THBS1: variants seen among roughly 807,000 people sequenced by gnomAD.
THBS1 encodes thrombospondin 1.
In THBS1, 29 loss-of-function variants were observed where a neutral mutation model predicts 126.1. The ratio of observed to expected loss-of-function variants is 0.23; its 90% CI spans 0.17 to 0.31. The LOEUF is 0.31. Among genes scored for constraint, THBS1 ranks in the 10% least tolerant of loss-of-function variants. THBS1 has a pLI of 1.00. For synonymous variants in THBS1, 496 were observed against 577.8 expected (o/e 0.86, Z 2.03); for missense variants, 1,198 against 1,545.2 (o/e 0.78, Z 3.77).
intron 14 of THBS1, 62 bp from the exon 15 acceptor site, chr15:39,591,127 GGT>G: frequency 6.4e-7 from 1 of 1,559,370 alleles, no homozygotes; most frequent in Non-Finnish European, 8.8e-7. Flanking sequence ...TTATGCACAT[GGT>G]TTGAGGCTTG....
In THBS1 at chr15:39,587,428, A is replaced by T; in HGVS notation, c.1202A>T (p.Gln401Leu). 6 of 1,613,994 alleles carry T rather than the reference A, an allele frequency of 3.7e-6. No homozygotes were observed. Among genetic ancestry groups the T allele is most frequent in the Non-Finnish European group, 4.2e-6 (5 of 1,180,026 alleles). ...CSTSCGNGIQ[Q>L]RGRSCDSLNN... ...ACGAGCTGTGGCAATGGAATTCAGCAGCGCGGCCGCTCCTGCGATAGCCTC... is the reference window on the plus strand; with the variant it reads ...ACGAGCTGTGGCAATGGAATTCAGCTGCGCGGCCGCTCCTGCGATAGCCTC... Residue 401 changes from glutamine to leucine, a missense_variant, in exon 8 of 22, where the codon CAG (glutamine) becomes CTG (leucine). By Grantham distance (113) the Gln-to-Leu change is moderately radical. This residue lies in a region of THBS1 where 663 missense variants were observed against 860.1 expected (regional missense o/e 0.77). Transcript: ENST00000260356.
Position 39,595,349 on chromosome 15 carries a change from G to A in THBS1, c.3506-13G>A. On this transcript the variant is annotated splice_polypyrimidine_tract_variant and intron_variant, in intron 21 of 21. Transcript: ENST00000260356. ...TTCATTTGTATATTTATTTATATTT[G>A]TTTATTTAACAGATCCCTAATCATC... 1.4e-6 allele frequency: 2 copies of A among 1,431,100 alleles called. No homozygotes were observed. The highest frequency in any genetic ancestry group is 1.9e-6 in the Non-Finnish European group (2 of 1,078,100). 88.7% of individuals were successfully genotyped at this position (1,431,100 alleles called of 1,614,324 possible).
Position 39,593,869 on chromosome 15 carries a change from G to A in THBS1, c.3267+201G>A. 1.0e-6 allele frequency: 1 copy of A among 954,834 alleles called. No individual in the cohort carries two copies. The highest frequency in any genetic ancestry group is 1.5e-6 in the Non-Finnish European group (1 of 659,080). 59.1% of individuals were successfully genotyped at this position (954,834 alleles called of 1,614,324 possible). A position where few individuals can be genotyped will look rare whatever the true frequency, so the allele number is the denominator to read the frequency against. Reference sequence around the variant, plus strand: ...CCAAGAATTGCCCTGCAAATCCTAAGGTGCCTTCAGCCTTTTCAAACAAAA... The same window carrying A: ...CCAAGAATTGCCCTGCAAATCCTAAAGTGCCTTCAGCCTTTTCAAACAAAA... On this transcript the variant is annotated intron_variant, in intron 19 of 21. Coordinates refer to ENST00000260356, the MANE Select transcript of THBS1 (RefSeq NM_003246.4). This position sits in a 1 kb window ranked among gnomAD's most constrained non-coding sequence, Gnocchi z 5.9.
In THBS1 at chr15:39,593,727, G is replaced by A. The variant is rs1170637604; in HGVS notation, c.3267+59G>A. ...TTATGGGTGCCTGACTAGCACTGGG[G>A]ATGCTGTGCTTTGACCAAGACTCTG... On this transcript the variant is annotated intron_variant, in intron 19 of 21. Transcript: ENST00000260356. This position sits in a 1 kb window ranked among gnomAD's most constrained non-coding sequence, Gnocchi z 5.9. 6 of 1,581,470 alleles carry A rather than the reference G, an allele frequency of 3.8e-6. No individual in the cohort carries two copies. Among genetic ancestry groups the A allele is most frequent in the Non-Finnish European group, 5.2e-6 (6 of 1,163,436 alleles).
chr15:39,590,736 A>C (rs1890311011), intron 14 of THBS1, 113 bp downstream of exon 14: 2 of 777,562 alleles, frequency 2.6e-6, no homozygotes, highest in Middle Eastern at 2.5e-4. Context: ...AAATCAATAC[A>C]CAGGATAATT....
At chr15:39,582,836 T>C (rs1890139792) in intron 3 of THBS1, 84 bp downstream of exon 3, 2 of 1,421,954 alleles carry the variant, frequency 1.4e-6, no homozygotes, top group Admixed American at 2.2e-5. Context: ...AAATCCTGTC[T>C]GTAAACTAAC....
At chr15:39,591,385 A>G in intron 15 of THBS1, 35 bp downstream of exon 15, 1 of 1,601,020 alleles carries the variant, frequency 6.2e-7, no homozygotes. Flanking sequence ...CCCGCGGGAG[A>G]CAGGGACATG....
rs749459644 is a variant in THBS1 at position 39,594,445 on chromosome 15, G to A, written c.3505+5G>A. Reference sequence around the variant, plus strand: ...ACCTGAAATACGAATGTAGAGGTAAGAGCAACATCACCATGAATGTACACT... The same window carrying A: ...ACCTGAAATACGAATGTAGAGGTAAAAGCAACATCACCATGAATGTACACT... On this transcript the variant is annotated splice_donor_5th_base_variant and intron_variant, in intron 21 of 21. Coordinates refer to ENST00000260356, the MANE Select transcript of THBS1 (RefSeq NM_003246.4). This position sits in a 1 kb window ranked among gnomAD's most constrained non-coding sequence, Gnocchi z 4.4. 6.2e-7 allele frequency: 1 copy of A among 1,613,600 alleles called. No individual in the cohort carries two copies. The highest frequency in any genetic ancestry group is 8.5e-7 in the Non-Finnish European group (1 of 1,179,754).
Position 39,589,665 on chromosome 15 carries a change from TG to T in THBS1, c.1927-136del. 2.1e-6 allele frequency: 2 copies of T among 972,694 alleles called. No individual in the cohort carries two copies. Among genetic ancestry groups the T allele is most frequent in the Non-Finnish European group, 2.9e-6 (2 of 681,306 alleles). 60.3% of individuals were successfully genotyped at this position (972,694 alleles called of 1,614,324 possible). A position where few individuals can be genotyped will look rare whatever the true frequency, so the allele number is the denominator to read the frequency against. ...AGTTTGCTTATAGCCTCAGGGAGAA[TG>T]GGGAGGGACAGAGGTAACCCACACT... On this transcript the variant is annotated intron_variant, in intron 12 of 21. Coordinates refer to ENST00000260356, the MANE Select transcript of THBS1 (RefSeq NM_003246.4). This position sits in a 1 kb window ranked among gnomAD's most constrained non-coding sequence, Gnocchi z 4.7.
chr15:39,584,475 A>G (rs1890173686), intron 6 of THBS1, 53 bp downstream of exon 6: 2 of 1,607,046 alleles, frequency 1.2e-6, no homozygotes, highest in East Asian at 2.2e-5. Flanking sequence ...GTTTGAACCT[A>G]CATCTTTGGG....
rs2140352927 is a variant in THBS1 at position 39,596,106 on chromosome 15, T to G, written c.*737T>G. On this transcript the variant is annotated 3_prime_UTR_variant, in exon 22 of 22. Transcript: ENST00000260356. ...TCAGAATCAAACCAGTGTAAGGCAG[T>G]GCTGGCTGCCATTGCCTGGTCACAT... The G allele has an allele frequency of 6.4e-6, 2 of 311,794 alleles. No homozygotes were observed. Among genetic ancestry groups the G allele is most frequent in the Non-Finnish European group, 6.4e-6 (1 of 157,296 alleles). The allele number at this position is 311,794 out of a possible 1,614,324, so 19.3% of individuals were successfully genotyped here. A position where few individuals can be genotyped will look rare whatever the true frequency, so the allele number is the denominator to read the frequency against.
intron 7 of THBS1, 99 bp downstream of exon 7, chr15:39,585,662 C>A: frequency 9.0e-7 from 1 of 1,107,050 alleles, no homozygotes; most frequent in Non-Finnish European, 1.3e-6. Flanking sequence ...ACCCCCATCT[C>A]CATCATGCTT....
At position 39,591,236 on chromosome 15, in the gene THBS1, A is replaced by G. The variant is rs1483139371; in HGVS notation, c.2299A>G (p.Arg767Gly). 6.2e-7 allele frequency: 1 copy of G among 1,614,174 alleles called. No homozygotes were observed. Among genetic ancestry groups the G allele is most frequent in the South Asian group, 1.1e-5 (1 of 91,080 alleles). Residue 767 changes from arginine (R) to glycine (G), a missense_variant, in exon 15 of 22, where the codon AGA (arginine) becomes GGA (glycine). Transcript: ENST00000260356. ...CAACCCAGCTCAGTATGACTATGACAGAGATGATGTGGGAGACCGCTGTGA... is the reference window on the plus strand; with the variant it reads ...CAACCCAGCTCAGTATGACTATGACGGAGATGATGTGGGAGACCGCTGTGA... ...HYNPAQYDYD[R>G]DDVGDRCDNC...
rs1354786056 is a variant in THBS1 at position 39,589,389 on chromosome 15, G to A, written c.1926+35G>A. 3.1e-6 allele frequency: 5 copies of A among 1,611,366 alleles called. No individual in the cohort carries two copies. In the East Asian group the frequency reaches 8.9e-5, roughly 29 times the overall value. On this transcript the variant is annotated intron_variant, in intron 12 of 21. Coordinates refer to ENST00000260356, the MANE Select transcript of THBS1 (RefSeq NM_003246.4). This position sits in a 1 kb window ranked among gnomAD's most constrained non-coding sequence, Gnocchi z 4.7. ...ACTAGACGAGTAAACCAGAGGACAGGAGAGCTGTCCTTGACCAAAATAACT... is the reference window on the plus strand; with the variant it reads ...ACTAGACGAGTAAACCAGAGGACAGAAGAGCTGTCCTTGACCAAAATAACT...
chr15:39,586,236 A>G (rs1322187572), intron 7 of THBS1, among the ~76,000 whole-genome samples: 1 of 152,170 alleles, frequency 6.6e-6, no homozygotes, highest in Non-Finnish European at 1.5e-5. Context: ...ACACACATGC[A>G]CACACACACA....
rs1595517741 is a variant in THBS1 at position 39,598,741 on chromosome 15, T to G, written c.*3372T>G. 1 of 152,074 alleles carries G rather than the reference T, an allele frequency of 6.6e-6. No individual in the cohort carries two copies. The highest frequency in any genetic ancestry group is 6.5e-5 in the Admixed American group (1 of 15,276). The allele number at this position is 152,074 out of a possible 1,614,324, so 9.4% of individuals were successfully genotyped here. On this transcript the variant is annotated 3_prime_UTR_variant, in exon 22 of 22. Coordinates refer to ENST00000260356, the MANE Select transcript of THBS1 (RefSeq NM_003246.4). Reference sequence around the variant, plus strand: ...TTCCTCCTCCAACAGTTTATTGTCATGTGTTGTGGGAGAGCTCGAGTGAAG... The same window carrying G: ...TTCCTCCTCCAACAGTTTATTGTCAGGTGTTGTGGGAGAGCTCGAGTGAAG...
Position 39,595,461 on chromosome 15 carries a change from T to C in THBS1, c.*92T>C. 2.8e-6 allele frequency: 4 copies of C among 1,449,374 alleles called. No individual in the cohort carries two copies. In the South Asian group the frequency reaches 4.6e-5, roughly 17 times the overall value. The allele number at this position is 1,449,374 out of a possible 1,614,324, so 89.8% of individuals were successfully genotyped here. A position where few individuals can be genotyped will look rare whatever the true frequency, so the allele number is the denominator to read the frequency against. On this transcript the variant is annotated 3_prime_UTR_variant, in exon 22 of 22. Coordinates refer to ENST00000260356, the MANE Select transcript of THBS1 (RefSeq NM_003246.4). Reference sequence around the variant, plus strand: ...GGCTTGAGAAAACCCCCAGGATCACTTCTCCTTGGCTTCCTTCTTTTCTGT... The same window carrying C: ...GGCTTGAGAAAACCCCCAGGATCACCTCTCCTTGGCTTCCTTCTTTTCTGT...
intron 6 of THBS1, among the ~76,000 whole-genome samples, 168 bp from the exon 7 acceptor site, chr15:39,585,302 G>A (rs917550734): frequency 9.2e-5 from 14 of 152,200 alleles, no homozygotes; most frequent in Admixed American, 5.9e-4. Flanking sequence ...CTGTCTCTAC[G>A]ATAGTGGTGG....
chr15:39,597,907 A>G lies in THBS1; in HGVS notation c.*2538A>G, dbSNP rs552591906. On this transcript the variant is annotated 3_prime_UTR_variant, in exon 22 of 22. Coordinates refer to ENST00000260356, the MANE Select transcript of THBS1 (RefSeq NM_003246.4). ...CAACACGATTGCATGTTGTGGAGAC[A>G]CTTCGGAAGTAAATGTGGATGAGGG... 9 of 152,352 alleles carry G rather than the reference A, an allele frequency of 5.9e-5. No homozygotes were observed. The highest frequency in any genetic ancestry group is 1.9e-4 in the East Asian group (1 of 5,190). The allele number at this position is 152,352 out of a possible 1,614,324, so 9.4% of individuals were successfully genotyped here.
Sources: allele counts gnomAD v4.1 joint callset (sites outside exome capture counted in the v4.1 genomes callset), GRCh38; gene constraint gnomAD v4.1.1; regional missense constraint gnomAD v4.1.1; non-coding constraint Gnocchi (gnomAD v3.1); transcripts MANE v1.5; gene names NCBI Gene and HGNC (gene_info 2026-07-23, HGNC 2026-07-21).